The following PCDHA7 variants were observed in gnomAD, a reference collection of about 807,000 sequenced individuals.
PCDHA7 encodes protocadherin alpha-7.
In PCDHA7, 37 loss-of-function variants were observed where a neutral mutation model predicts 57.2. The ratio of observed to expected loss-of-function variants is 0.65; its 90% CI spans 0.50 to 0.85. The LOEUF (loss-of-function observed/expected upper bound fraction) is 0.85, where lower values mean the gene tolerates loss of function less well. Among genes scored for constraint, PCDHA7 ranks in the 40% least tolerant of loss-of-function variants. The pLI is 0.00. For synonymous variants in PCDHA7, 553 were observed against 558.8 expected, an observed-to-expected ratio of 0.99 and a Z score of 0.15; for missense variants, 1,188 against 1,241.8, an observed-to-expected ratio of 0.96 and a Z score of 0.65.
At chr5:140,902,189 C>T (rs2069172292) in intron 1 of PCDHA7, among the ~76,000 whole-genome samples, 1 of 145,890 alleles carries the variant, frequency 6.9e-6, no homozygotes, top group African/African-American at 2.6e-5. Flanking sequence ...TATGTCTTCT[C>T]TCTCTCTCTC....
chr5:140,856,604 G>C lies in PCDHA7; in HGVS notation c.2355+19866G>C, dbSNP rs200468399. 1,451 of 1,597,840 alleles carry C rather than the reference G, an allele frequency of 9.1e-4. 118 individuals are homozygous for C. Among genetic ancestry groups the C allele is most frequent in the Non-Finnish European group, 8.3e-4 (967 of 1,167,426 alleles). ...TGTTCTTGATATTATAAACAAAAAA[G>C]ACAAAGACAAATTCCCAGTGCTTGT... On this transcript the variant is annotated intron_variant, in intron 1 of 3. Coordinates refer to ENST00000525929, the MANE Select transcript of PCDHA7 (RefSeq NM_018910.3).
intron 1 of PCDHA7, chr5:140,927,305 C>A: frequency 6.2e-7 from 1 of 1,614,190 alleles, no homozygotes; most frequent in African/African-American, 1.3e-5. Flanking sequence ...GAGTTCCTGA[C>A]GCCCGGAGCC....
chr5:140,843,891 A>G (rs1554140482), intron 1 of PCDHA7: 1 of 685,390 alleles, frequency 1.5e-6, no homozygotes, highest in Non-Finnish European at 2.4e-6. Context: ...TACAGTATTA[A>G]TCATTCTCCA....
Position 140,857,776 on chromosome 5 carries a change from CAGTG to C in PCDHA7, c.2355+21041_2355+21044del, listed in dbSNP as rs1342226765. ...CCGCTGGCAGCGCGGGCGGTGCAGTCAGTGAGCTGGTGCTGCGGTCGGTGGTTGC... is the reference window on the plus strand; with the variant it reads ...CCGCTGGCAGCGCGGGCGGTGCAGTCAGCTGGTGCTGCGGTCGGTGGTTGC... On this transcript the variant is annotated intron_variant, in intron 1 of 3. Coordinates refer to ENST00000525929, the MANE Select transcript of PCDHA7 (RefSeq NM_018910.3). 21 of 1,597,526 alleles carry C rather than the reference CAGTG, an allele frequency of 1.3e-5. No homozygotes were observed. In the Admixed American group the frequency reaches 3.4e-4, roughly 26 times the overall value.
intron 1 of PCDHA7, chr5:140,877,402 C>T: frequency 6.2e-7 from 1 of 1,613,934 alleles, no homozygotes; most frequent in African/African-American, 1.3e-5. Flanking sequence ...GGACGCTCCG[C>T]GCCACCGCCT....
intron 1 of PCDHA7, among the ~76,000 whole-genome samples, chr5:140,878,983 AGAAAT>A (rs2153364854): frequency 6.6e-6 from 1 of 152,352 alleles, no homozygotes; most frequent in Non-Finnish European, 1.5e-5. Flanking sequence ...CCTCTATCTT[AGAAAT>A]GAGAGTATGC....
At position 140,834,797 on chromosome 5, in the gene PCDHA7, GA is replaced by G. The variant is rs2150227028; in HGVS notation, c.416del (p.Asn139IlefsTer16). 2 of 1,613,022 alleles carry G rather than the reference GA, an allele frequency of 1.2e-6. No individual in the cohort carries two copies. The highest frequency in any genetic ancestry group is 2.2e-5 in the South Asian group (2 of 90,934). On this transcript the variant is annotated frameshift_variant, in exon 1 of 4. Transcript: ENST00000525929. LOFTEE classifies it high-confidence loss of function. Reference protein sequence around the residue: ...NPPVFPATQRNLFIAESRPLD... With the variant: ...NPPVFPATQRXLFIAESRPLD... ...CTCCGGTGTTCCCAGCGACACAAAG[GA>G]ATCTGTTCATCGCGGAATCCAGGCC...
chr5:140,947,107 G>A (rs1041048233), intron 1 of PCDHA7, among the ~76,000 whole-genome samples: 12 of 151,202 alleles, frequency 7.9e-5, no homozygotes, highest in South Asian at 4.2e-4. Flanking sequence ...AAATAGGTAC[G>A]TGTCAATTAA....
chr5:140,895,820 T>A (rs1409721318), intron 1 of PCDHA7, among the ~76,000 whole-genome samples: 2 of 152,156 alleles, frequency 1.3e-5, no homozygotes, highest in Non-Finnish European at 2.9e-5. Context: ...TATTGTATTG[T>A]ATTTTTTTCA....
intron 3 of PCDHA7, among the ~76,000 whole-genome samples, chr5:140,997,668 T>TTGTGTGTGTGTGTG (rs35184029): frequency 1.7e-4 from 25 of 148,344 alleles, no homozygotes; most frequent in African/African-American, 6.2e-4. Flanking sequence ...ATTATACAGC[T>TTGTGTGTGTGTGTG]TGTGTGTGTG....
rs2150226438 is a variant in PCDHA7, at chr5:140,834,780, T to A, written c.397T>A (p.Phe133Ile). ...GGACATTAACGACAACCCTCCGGTGTTCCCAGCGACACAAAGGAATCTGTT... is the reference window on the plus strand; with the variant it reads ...GGACATTAACGACAACCCTCCGGTGATCCCAGCGACACAAAGGAATCTGTT... ...VKDINDNPPV[F>I]PATQRNLFIA... Residue 133 changes from phenylalanine to isoleucine, a missense_variant, in exon 1 of 4, where the codon TTC (phenylalanine) becomes ATC (isoleucine). Physicochemically the swap from Phe to Ile is conservative, Grantham distance 21. Coordinates refer to ENST00000525929, the MANE Select transcript of PCDHA7 (RefSeq NM_018910.3). 3.1e-6 allele frequency: 5 copies of A among 1,613,846 alleles called. No homozygotes were observed. The South Asian group carries it at 3.3e-5, about 11-fold the overall frequency.
chr5:140,884,305 G>C, intron 1 of PCDHA7: 1 of 1,613,720 alleles, frequency 6.2e-7, no homozygotes, highest in African/African-American at 1.3e-5. Flanking sequence ...CACAGGCTTC[G>C]TCGAGGGCGT....
chr5:140,870,200 C>G lies in PCDHA7; in HGVS notation c.2355+33462C>G, dbSNP rs377755323. Reference sequence around the variant, plus strand: ...GTACGAGAGGACGCTCAGCCCAGCACGGTCATTGCCCTGATCAGCGTGTCT... The same window carrying G: ...GTACGAGAGGACGCTCAGCCCAGCAGGGTCATTGCCCTGATCAGCGTGTCT... On this transcript the variant is annotated intron_variant, in intron 1 of 3. Transcript: ENST00000525929. 7 of 1,614,056 alleles carry G rather than the reference C, an allele frequency of 4.3e-6. No homozygotes were observed. The African/African-American group carries it at 9.3e-5, about 22-fold the overall frequency.
chr5:140,983,588 C>G (rs530448589), intron 3 of PCDHA7, among the ~76,000 whole-genome samples: 1 of 152,152 alleles, frequency 6.6e-6, no homozygotes, highest in African/African-American at 2.4e-5. Context: ...TACATCTATT[C>G]TACATATGAG....
chr5:140,841,702 T>G (rs1554138466), intron 1 of PCDHA7: 1 of 1,613,896 alleles, frequency 6.2e-7, no homozygotes, highest in Non-Finnish European at 8.5e-7. Flanking sequence ...AGGATGTTAA[T>G]GACAACCCGC....
intron 3 of PCDHA7, among the ~76,000 whole-genome samples, chr5:140,983,909 C>G (rs2097076070): frequency 6.6e-6 from 1 of 152,226 alleles, no homozygotes. Flanking sequence ...TGATTCTAAT[C>G]AGCCAGGATT....
At chr5:140,897,258 G>A (rs1008292814) in intron 1 of PCDHA7, among the ~76,000 whole-genome samples, 1 of 151,682 alleles carries the variant, frequency 6.6e-6, no homozygotes, top group African/African-American at 2.4e-5. Flanking sequence ...ATGTATACAT[G>A]TGCCATGCTG....
chr5:140,979,434 A>G (rs1490433887), intron 2 of PCDHA7, among the ~76,000 whole-genome samples: 1 of 151,986 alleles, frequency 6.6e-6, no homozygotes, highest in South Asian at 2.1e-4. Context: ...CACATTGGCT[A>G]TTACATCCTA....
At chr5:140,870,077 G>T (rs2051636689) in intron 1 of PCDHA7, 1 of 1,613,688 alleles carries the variant, frequency 6.2e-7, no homozygotes, top group African/African-American at 1.3e-5. Context: ...ACAGATAAGG[G>T]GACTCCCCCA....
Sources: gnomAD v4.1 joint callset for allele counts (sites outside exome capture counted in the v4.1 genomes callset) on GRCh38, gnomAD v4.1.1 for gene constraint, MANE v1.5 for transcripts, NCBI Gene and HGNC (gene_info 2026-07-23, HGNC 2026-07-21) for gene names.